Variants in WNK2 observed in about 807,000 individuals in gnomAD.
The protein encoded by WNK2 is serine/threonine-protein kinase WNK2.
A neutral mutation model predicts 192.1 loss-of-function variants in WNK2; 67 were observed. The observed-to-expected ratio is 0.35, with a 90% CI of 0.29 to 0.43. The LOEUF (loss-of-function observed/expected upper bound fraction) is 0.43. WNK2 is among the 20% of genes least tolerant of loss of function. The probability of loss-of-function intolerance (pLI) is 1.00; values close to 1 mark genes in which losing one functional copy is unlikely to be tolerated. For missense variants in WNK2, 2,698 were observed against 3,089.7 expected (o/e 0.87, Z 3.01); for synonymous variants, 1,439 against 1,393.9 (o/e 1.03, Z -0.72).
intron 19 of WNK2, among the ~76,000 whole-genome samples, chr9:93,288,450 A>C (rs1291681190): frequency 1.3e-5 from 2 of 152,228 alleles, no homozygotes; most frequent in African/African-American, 2.4e-5. Context: ...GTGTGGACAG[A>C]CAGATGACAG....
intron 26 of WNK2, among the ~76,000 whole-genome samples, chr9:93,303,960 G>A (rs1382354630): frequency 1.3e-5 from 2 of 152,216 alleles, no homozygotes; most frequent in Non-Finnish European, 2.9e-5. Context: ...CTGAGGGTGC[G>A]CGGGAAGTTG....
chr9:93,206,376 G>A (rs1487779490), intron 2 of WNK2, among the ~76,000 whole-genome samples: 1 of 152,166 alleles, frequency 6.6e-6, no homozygotes, highest in East Asian at 1.9e-4. Flanking sequence ...CCCCTTCACC[G>A]CCCTGGCCTT....
At chr9:93,191,206 G>T (rs1460833070) in intron 2 of WNK2, among the ~76,000 whole-genome samples, 1 of 152,108 alleles carries the variant, frequency 6.6e-6, no homozygotes, top group Non-Finnish European at 1.5e-5. Flanking sequence ...GTCATTTCCG[G>T]GGACAGCTGG....
At chr9:93,284,735 A>G (rs1396985109) in intron 19 of WNK2, among the ~76,000 whole-genome samples, 1 of 152,230 alleles carries the variant, frequency 6.6e-6, no homozygotes, top group Non-Finnish European at 1.5e-5. Flanking sequence ...GGTAGGACCC[A>G]ACCTGCAGCC....
Position 93,289,410 on chromosome 9 carries a change from G to A in WNK2, c.4656G>A (p.Leu1552=). ...VGFVDSTIKS[L]DEKLRTLLYQ... is the part of the protein sequence containing the mutation. ...TTGTGGACAGCACCATCAAGAGCCT[G>A]GACGAGAAGCTGCGGACTCTGCTCT... Residue 1552 remains leucine, a synonymous_variant, in exon 20 of 30, where the codon CTG becomes CTA. Transcript: ENST00000427277. 6.2e-7 allele frequency: 1 copy of A among 1,612,954 alleles called. No individual in the cohort carries two copies. The highest frequency in any genetic ancestry group is 8.5e-7 in the Non-Finnish European group (1 of 1,179,772).
Position 93,259,347 on chromosome 9 carries a change from G to T in WNK2, c.2799G>T (p.Gln933His). The change falls in exon 12 of 30, where the codon CAG becomes CAT. Residue 933 changes from glutamine to histidine, a missense_variant. Physicochemically the swap from Gln to His is conservative, Grantham distance 24 (BLOSUM62 0). This residue lies in a region of WNK2 where 893 missense variants were observed against 909.0 expected (regional missense o/e 0.98). Transcript: ENST00000427277. The surrounding 1 kb of genome is among the most constrained non-coding windows in gnomAD (Gnocchi z 4.8). ...CTCCTTCCCCCCATCACACGGTGCA[G>T]AATATGAGGGCCACCCCTCCACAGC... ...DVPPSPHHTV[Q>H]NMRATPPQPA... The T allele has an allele frequency of 6.2e-7, 1 of 1,612,946 alleles. No individual in the cohort carries two copies. Among genetic ancestry groups the T allele is most frequent in the East Asian group, 2.2e-5 (1 of 44,850 alleles).
At chr9:93,206,430 C>T (rs1475711541) in intron 2 of WNK2, among the ~76,000 whole-genome samples, 1 of 152,176 alleles carries the variant, frequency 6.6e-6, no homozygotes, top group African/African-American at 2.4e-5. Flanking sequence ...GCCCTGGCTC[C>T]AGTCCCTGCC....
intron 25 of WNK2, among the ~76,000 whole-genome samples, chr9:93,299,493 C>T (rs939164658): frequency 6.6e-6 from 1 of 152,088 alleles, no homozygotes; most frequent in African/African-American, 2.4e-5. Flanking sequence ...GGAGGTGATG[C>T]TTTGCTAGAG....
At chr9:93,186,677 C>G (rs561411616) in intron 2 of WNK2, among the ~76,000 whole-genome samples, 1 of 152,234 alleles carries the variant, frequency 6.6e-6, no homozygotes, top group East Asian at 1.9e-4. Context: ...AAGTGGGATT[C>G]AATTGCTATA....
At position 93,256,371 on chromosome 9, in the gene WNK2, G is replaced by C; in HGVS notation, c.2107G>C (p.Ala703Pro). ...CCTCCAGCAGCACTTCCCGGATCCG[G>C]CCATGAGCTTCGCCCCCGTGCTGCC... ...PSLQQHFPDP[A>P]MSFAPVLPPP... is the part of the protein sequence containing the mutation. The change falls in exon 10 of 30, where the codon GCC becomes CCC. Residue 703 changes from alanine to proline, a missense_variant. Transcript: ENST00000427277. The C allele has an allele frequency of 6.3e-7, 1 of 1,577,046 alleles. No homozygotes were observed. Among genetic ancestry groups the C allele is most frequent in the Non-Finnish European group, 8.6e-7 (1 of 1,167,832 alleles).
At chr9:93,192,126 C>T (rs1377018715) in intron 2 of WNK2, among the ~76,000 whole-genome samples, 4 of 151,718 alleles carry the variant, frequency 2.6e-5, no homozygotes, top group Non-Finnish European at 5.9e-5. Context: ...CCATCCTGGC[C>T]AACATGGTGA....
At chr9:93,254,506 C>T (rs951251444) in intron 9 of WNK2, among the ~76,000 whole-genome samples, 6 of 152,236 alleles carry the variant, frequency 3.9e-5, no homozygotes, top group African/African-American at 1.4e-4. Context: ...CAGGCCTGCT[C>T]AGTCGGAAGG....
In WNK2 at chr9:93,257,913, A is replaced by G. The variant is rs1007471971; in HGVS notation, c.2382+774A>G. Among the ~76,000 whole-genome samples the G allele has an allele frequency of 1.1e-4, 16 of 152,098 alleles. No individual in the cohort carries two copies. The highest frequency in any genetic ancestry group is 3.9e-4 in the African/African-American group (16 of 41,414). ...GTAAATGGCATGGAGGATTCTAGGTACTCCCGAGGGCTTCGGTGACCCGGA... is the reference window on the plus strand; with the variant it reads ...GTAAATGGCATGGAGGATTCTAGGTGCTCCCGAGGGCTTCGGTGACCCGGA... On this transcript the variant is annotated intron_variant, in intron 11 of 29. Transcript: ENST00000427277. This position sits in a 1 kb window ranked among gnomAD's most constrained non-coding sequence, Gnocchi z 4.7.
intron 8 of WNK2, among the ~76,000 whole-genome samples, chr9:93,251,806 T>C (rs1338760479): frequency 2.0e-5 from 3 of 152,152 alleles, no homozygotes; most frequent in African/African-American, 7.2e-5. Context: ...CCCATCCTCC[T>C]CTCCCCTCTC....
At chr9:93,277,484 T>G (rs1274347947) in intron 19 of WNK2, among the ~76,000 whole-genome samples, 1 of 152,166 alleles carries the variant, frequency 6.6e-6, no homozygotes, top group East Asian at 1.9e-4. Flanking sequence ...AGTGGGTGAA[T>G]AGATAAAAAC....
chr9:93,313,420 C>T (rs1161927473), intron 28 of WNK2, among the ~76,000 whole-genome samples: 1 of 149,222 alleles, frequency 6.7e-6, no homozygotes, highest in East Asian at 2.0e-4. Flanking sequence ...AAGTTTCTGA[C>T]TCTTTACCAA....
At position 93,292,528 on chromosome 9, in the gene WNK2, C is replaced by T. The variant is rs1849524236; in HGVS notation, c.5063C>T (p.Pro1688Leu). 2 of 1,582,084 alleles carry T rather than the reference C, an allele frequency of 1.3e-6. No homozygotes were observed. Among genetic ancestry groups the T allele is most frequent in the South Asian group, 2.3e-5 (2 of 85,842 alleles). The change falls in exon 23 of 30, where the codon CCC (proline) becomes CTC (leucine). Residue 1688 changes from proline to leucine, a missense_variant. Physicochemically the swap from Pro to Leu is moderately conservative, Grantham distance 98. This residue lies in a region of WNK2 where 1,098 missense variants were observed against 1,101.0 expected (regional missense o/e 1.00). Coordinates refer to ENST00000427277, the MANE Select transcript of WNK2 (RefSeq NM_006648.4). ...PAFVRPARVE[P>L]TDRDGGEAGE... Reference sequence around the variant, plus strand: ...TTTGTGAGACCTGCACGTGTGGAGCCCACAGACAGGGATGGTGGAGAAGCT... The same window carrying T: ...TTTGTGAGACCTGCACGTGTGGAGCTCACAGACAGGGATGGTGGAGAAGCT...
chr9:93,291,818 C>T (rs1271633186), intron 21 of WNK2, among the ~76,000 whole-genome samples: 1 of 152,106 alleles, frequency 6.6e-6, no homozygotes, highest in Non-Finnish European at 1.5e-5. Flanking sequence ...TTACGGCAAC[C>T]CTGGGAAAAG....
chr9:93,290,266 A>G (rs908829857), intron 21 of WNK2, among the ~76,000 whole-genome samples: 1 of 151,924 alleles, frequency 6.6e-6, no homozygotes, highest in Non-Finnish European at 1.5e-5. Flanking sequence ...CCTCTGGCCC[A>G]TGAGCTGCAT....
Sources: allele counts gnomAD v4.1 joint callset (sites outside exome capture counted in the v4.1 genomes callset), GRCh38; gene constraint gnomAD v4.1.1; regional missense constraint gnomAD v4.1.1; non-coding constraint Gnocchi (gnomAD v3.1); transcripts MANE v1.5; gene names NCBI Gene and HGNC (gene_info 2026-07-23, HGNC 2026-07-21).